IDE: variants seen among roughly 807,000 people sequenced by gnomAD.
IDE encodes insulin degrading enzyme, also known as insulin-degrading enzyme.
In IDE, 58 loss-of-function variants were observed where a neutral mutation model predicts 133.2. That is an observed-to-expected ratio of 0.44 (90% CI 0.35 to 0.54). IDE has a LOEUF of 0.54. Ranked by LOEUF, IDE falls within the 20% of genes least tolerant of loss-of-function variation. IDE has a pLI of 0.00. For synonymous variants in IDE, 396 were observed against 421.3 expected (o/e 0.94, Z 0.73); for missense variants, 981 against 1,234.0 (o/e 0.79, Z 3.07).
intron 17 of IDE, among the ~76,000 whole-genome samples, chr10:92,470,800 A>G (rs1845926499): frequency 2.0e-5 from 3 of 152,198 alleles, no homozygotes; most frequent in African/African-American, 7.2e-5. Context: ...CACAAAGAAT[A>G]CCACAAAGGT....
intron 4 of IDE, among the ~76,000 whole-genome samples, chr10:92,530,730 T>C (rs1435508945): frequency 6.6e-6 from 1 of 152,210 alleles, no homozygotes; most frequent in African/African-American, 2.4e-5. Context: ...TATGTTAATA[T>C]TGAGTGCCAA....
Position 92,517,772 on chromosome 10 carries a change from G to A in IDE, c.662-2730C>T, listed in dbSNP as rs114262594. On this transcript the variant is annotated intron_variant, in intron 4 of 24. Transcript: ENST00000265986. ...GAGGCCAGGAGTTCAAGACCAGCCT[G>A]GCAAGCATGGTGGCATGCCTATCAT... is the stretch of plus-strand genomic sequence containing the variant. 5.1e-3 allele frequency among the ~76,000 whole-genome samples: 782 copies of A among 152,072 alleles called. 9 individuals are homozygous for A. The highest frequency in any genetic ancestry group is 0.018 in the African/African-American group (741 of 41,514).
chr10:92,523,596 G>C (rs1255090163), intron 4 of IDE, among the ~76,000 whole-genome samples: 1 of 150,682 alleles, frequency 6.6e-6, no homozygotes, highest in Non-Finnish European at 1.5e-5. Flanking sequence ...AGCAACTTGG[G>C]TGGCTGAGAC....
intron 4 of IDE, among the ~76,000 whole-genome samples, chr10:92,518,689 A>AT (rs1244287368): frequency 2.0e-5 from 3 of 152,218 alleles, no homozygotes; most frequent in African/African-American, 4.8e-5. Flanking sequence ...CATTCAATGA[A>AT]TTTTTCAAAG....
At chr10:92,515,432 TG>T (rs1848856639) in intron 4 of IDE, among the ~76,000 whole-genome samples, 1 of 150,768 alleles carries the variant, frequency 6.6e-6, no homozygotes, top group Non-Finnish European at 1.5e-5. Flanking sequence ...GCTAATTTTT[TG>T]TATTTTTAGT....
chr10:92,474,772 T>G, intron 17 of IDE, 69 bp downstream of exon 17: 1 of 1,404,410 alleles, frequency 7.1e-7, no homozygotes, highest in East Asian at 2.3e-5. Flanking sequence ...ACAGTCAATA[T>G]CAGAATAAAC....
intron 11 of IDE, among the ~76,000 whole-genome samples, chr10:92,504,383 G>A (rs1848184742): frequency 6.6e-6 from 1 of 152,114 alleles, no homozygotes; most frequent in Non-Finnish European, 1.5e-5. Flanking sequence ...AATCTTTACT[G>A]TGGCTTAAGA....
At chr10:92,537,174 C>G (rs1274300441) in intron 2 of IDE, among the ~76,000 whole-genome samples, 192 bp downstream of exon 2, 1 of 151,982 alleles carries the variant, frequency 6.6e-6, no homozygotes, top group Non-Finnish European at 1.5e-5. Flanking sequence ...AACAAGATGT[C>G]CTTAGAAAAT....
chr10:92,518,727 G>T (rs1849056218), intron 4 of IDE, among the ~76,000 whole-genome samples: 1 of 151,940 alleles, frequency 6.6e-6, no homozygotes, highest in South Asian at 2.1e-4. Context: ...ATTATCAGAG[G>T]AATACTCATC....
chr10:92,535,844 T>C (rs555745466), intron 2 of IDE, among the ~76,000 whole-genome samples: 1 of 152,266 alleles, frequency 6.6e-6, no homozygotes, highest in South Asian at 2.1e-4. Context: ...GAGATCAGCC[T>C]GGCCTACATG....
At chr10:92,511,549 T>C (rs555313338) in intron 5 of IDE, among the ~76,000 whole-genome samples, 1 of 152,334 alleles carries the variant, frequency 6.6e-6, no homozygotes, top group East Asian at 1.9e-4. Flanking sequence ...TGATATTCTA[T>C]GACCCATTTG....
chr10:92,508,872 G>A lies in IDE; in HGVS notation c.916C>T (p.Pro306Ser), dbSNP rs755990482. 1.2e-6 allele frequency: 2 copies of A among 1,611,952 alleles called. No individual in the cohort carries two copies. Among genetic ancestry groups the A allele is most frequent in the Admixed American group, 1.7e-5 (1 of 60,018 alleles). Residue 306 changes from proline (P) to serine (S), a missense_variant, in exon 7 of 25, where the codon CCC becomes TCC. Around this residue, in one of 2 missense-constraint regions of IDE, gnomAD observed 660 missense variants for 894.7 expected, o/e 0.74. Transcript: ENST00000265986. ...TAGAGATTCCTAATATCTTTAATGG[G>A]TACTATTTTGTAAAGTTGCTGGAGA... ...EHLKQLYKIV[P>S]IKDIRNLYVT...
At chr10:92,487,526 ACT>A (rs1414055191) in intron 12 of IDE, among the ~76,000 whole-genome samples, 4 of 152,186 alleles carry the variant, frequency 2.6e-5, no homozygotes, top group African/African-American at 9.7e-5. Context: ...AAGATTTTGC[ACT>A]CATATATCTA....
At position 92,465,957 on chromosome 10, in the gene IDE, G is replaced by A. The variant is rs546455452; in HGVS notation, c.2321-114C>T. On this transcript the variant is annotated intron_variant, in intron 19 of 24. Coordinates refer to ENST00000265986, the MANE Select transcript of IDE (RefSeq NM_004969.4). The stretch of plus-strand genomic sequence containing the variant: ...GATAATTTAGACATTAATAGAAAAG[G>A]GAGGTAGAGAAGCCTGGAGTTGTAT... 2.7e-4 allele frequency: 235 copies of A among 875,866 alleles called. 2 individuals carry two copies. In the South Asian group the frequency reaches 3.5e-3, roughly 13 times the overall value. 54.3% of individuals were successfully genotyped at this position (875,866 alleles called of 1,614,324 possible). A position where few individuals can be genotyped will look rare whatever the true frequency, so the allele number is the denominator to read the frequency against.
At chr10:92,474,154 C>T (rs1446540775) in intron 17 of IDE, among the ~76,000 whole-genome samples, 3 of 152,044 alleles carry the variant, frequency 2.0e-5, no homozygotes, top group African/African-American at 7.2e-5. Context: ...GCCTCAACTT[C>T]CCGGGCTCAA....
intron 1 of IDE, among the ~76,000 whole-genome samples, chr10:92,546,399 T>C (rs1276570507): frequency 1.3e-5 from 2 of 152,074 alleles, no homozygotes; most frequent in Admixed American, 6.6e-5. Flanking sequence ...TTTCAAAATA[T>C]CATAAAACAC....
intron 4 of IDE, among the ~76,000 whole-genome samples, chr10:92,522,111 A>T (rs1191644886): frequency 6.6e-6 from 1 of 152,144 alleles, no homozygotes; most frequent in Admixed American, 6.6e-5. Flanking sequence ...GTGGGAGGGA[A>T]GAGAGAAAAA....
At chr10:92,479,594 GC>G (rs2135410600) in intron 14 of IDE, 173 bp from the exon 15 acceptor site, 1 of 582,704 alleles carries the variant, frequency 1.7e-6, no homozygotes, top group African/African-American at 1.9e-5. Flanking sequence ...TGAAAAAGAA[GC>G]CTGAAGTGTG....
At chr10:92,559,478 T>C (rs1253153226) in intron 1 of IDE, among the ~76,000 whole-genome samples, 4 of 152,204 alleles carry the variant, frequency 2.6e-5, no homozygotes, top group Non-Finnish European at 4.4e-5. Flanking sequence ...TCAATATGAA[T>C]GAACTTTGAA....
Sources: gnomAD v4.1 joint callset for allele counts (sites outside exome capture counted in the v4.1 genomes callset) on GRCh38, gnomAD v4.1.1 for gene constraint, gnomAD v4.1.1 regional missense constraint, MANE v1.5 for transcripts, NCBI Gene and HGNC (gene_info 2026-07-23, HGNC 2026-07-21) for gene names.